Variants in C12orf42 observed in about 807,000 individuals in gnomAD.
C12orf42 encodes the protein chromosome 12 open reading frame 42.
A neutral mutation model predicts 21.6 loss-of-function variants in C12orf42; 25 were observed. The ratio of observed to expected loss-of-function variants is 1.16; its 90% confidence interval spans 0.84 to 1.62. The LOEUF is 1.62. C12orf42 is among the 40% of genes most tolerant of loss of function. C12orf42 has a pLI of 0.00. For synonymous variants in C12orf42, 174 were observed against 175.0 expected (o/e 0.99, Z 0.05); for missense variants, 483 against 459.3 (o/e 1.05, Z -0.47).
At chr12:103,340,932 T>A (rs957971230) in intron 4 of C12orf42, among the ~76,000 whole-genome samples, 10 of 151,914 alleles carry the variant, frequency 6.6e-5, no homozygotes, top group Non-Finnish European at 1.5e-5. Context: ...ACTAACATGG[T>A]GAAACCCAGT....
chr12:103,354,825 T>C (rs2137542490), intron 4 of C12orf42, among the ~76,000 whole-genome samples: 1 of 152,188 alleles, frequency 6.6e-6, no homozygotes, highest in Middle Eastern at 3.4e-3. Context: ...CTCAAAGTGC[T>C]GGGATTTCAG....
intron 2 of C12orf42, among the ~76,000 whole-genome samples, chr12:103,429,906 C>T (rs190076683): frequency 2.6e-4 from 39 of 151,954 alleles, no homozygotes; most frequent in Non-Finnish European, 4.9e-4. Context: ...TTGGGAAAAC[C>T]AGCTAGCCAT....
chr12:103,271,598 G>T (rs1383998487), intron 5 of C12orf42, among the ~76,000 whole-genome samples: 1 of 152,100 alleles, frequency 6.6e-6, no homozygotes, highest in Admixed American at 6.6e-5. Context: ...GAGTAAATGA[G>T]ACAGAGTAGG....
chr12:103,227,950 C>T, the C12orf42 span, among the ~76,000 whole-genome samples: 1 of 152,146 alleles, frequency 6.6e-6, no homozygotes, highest in African/African-American at 2.4e-5. Flanking sequence ...TAAGAAGAGG[C>T]CACTTGCCTG....
intron 3 of C12orf42, among the ~76,000 whole-genome samples, chr12:103,382,481 CA>C (rs1234555438): frequency 1.3e-5 from 2 of 152,180 alleles, no homozygotes; most frequent in African/African-American, 4.8e-5. Context: ...TTTCCTGCCC[CA>C]AAACCCCTGG....
chr12:103,133,174 C>T, the C12orf42 span, among the ~76,000 whole-genome samples: 38 of 152,246 alleles, frequency 2.5e-4, no homozygotes, highest in East Asian at 4.2e-3. Flanking sequence ...ACCACCACAG[C>T]GGGCTCCCAT....
intron 2 of C12orf42, among the ~76,000 whole-genome samples, chr12:103,408,017 C>G (rs1052647795): frequency 1.2e-4 from 18 of 152,208 alleles, no homozygotes; most frequent in South Asian, 6.3e-4. Flanking sequence ...ACAATGGCAC[C>G]CCCCTCTTTG....
At chr12:103,472,718 G>C (rs185995855) in intron 2 of C12orf42, among the ~76,000 whole-genome samples, 2 of 152,320 alleles carry the variant, frequency 1.3e-5, no homozygotes, top group Admixed American at 1.3e-4. Context: ...CACTGGAGAT[G>C]GAAAGGCCAT....
chr12:103,253,274 G>A (rs1593215291), intron 10 of C12orf42, among the ~76,000 whole-genome samples: 1 of 152,116 alleles, frequency 6.6e-6, no homozygotes, highest in East Asian at 1.9e-4. Flanking sequence ...GCTTAGGATT[G>A]TCCTGGTTAT....
chr12:103,135,808 G>A, the C12orf42 span, among the ~76,000 whole-genome samples: 3 of 152,088 alleles, frequency 2.0e-5, no homozygotes, highest in South Asian at 2.1e-4. Flanking sequence ...GACAAAGAAC[G>A]TATGGTTATT....
the C12orf42 span, among the ~76,000 whole-genome samples, chr12:103,223,366 T>A: frequency 1.2e-4 from 18 of 152,080 alleles, no homozygotes; most frequent in African/African-American, 3.9e-4. Context: ...GAATGATTGG[T>A]GATGGCCTGG....
intron 1 of C12orf42, among the ~76,000 whole-genome samples, chr12:103,488,856 T>C (rs1415933610): frequency 1.3e-5 from 2 of 152,320 alleles, no homozygotes; most frequent in Middle Eastern, 3.4e-3. Flanking sequence ...TCGTCTAACC[T>C]TTTTTTAAGG....
At chr12:103,414,645 TC>T in intron 2 of C12orf42, among the ~76,000 whole-genome samples, 1 of 152,314 alleles carries the variant, frequency 6.6e-6, no homozygotes, top group East Asian at 1.9e-4. Context: ...TATTTCATTT[TC>T]TTTGTGGCTA....
At chr12:103,065,883 C>A in the C12orf42 span, among the ~76,000 whole-genome samples, 1 of 152,302 alleles carries the variant, frequency 6.6e-6, no homozygotes, top group East Asian at 1.9e-4. Context: ...GCCTGAAAGG[C>A]TGCCAGTTTT....
chr12:103,235,612 A>G (rs1052319596), downstream of C12orf42, among the ~76,000 whole-genome samples: 2 of 152,174 alleles, frequency 1.3e-5, no homozygotes, highest in African/African-American at 4.8e-5. Flanking sequence ...TGTTACATGT[A>G]TGTAAGTAAC....
the C12orf42 span, among the ~76,000 whole-genome samples, chr12:103,203,403 G>T: frequency 2.0e-5 from 3 of 152,180 alleles, no homozygotes; most frequent in Non-Finnish European, 2.9e-5. Flanking sequence ...CCAGGCAAAG[G>T]TTGCTAGGAA....
the C12orf42 span, among the ~76,000 whole-genome samples, chr12:103,087,550 T>A: frequency 4.6e-5 from 7 of 152,246 alleles, no homozygotes; most frequent in Admixed American, 1.3e-4. Context: ...AATATCAAAG[T>A]AAGGCCAGTT....
intron 4 of C12orf42, among the ~76,000 whole-genome samples, chr12:103,288,231 C>T (rs577197813): frequency 6.6e-5 from 10 of 152,110 alleles, no homozygotes; most frequent in Non-Finnish European, 1.3e-4. Context: ...CACAGCACTC[C>T]GAACTCCTGG....
chr12:103,216,888 G>C, the C12orf42 span, among the ~76,000 whole-genome samples: 9 of 152,132 alleles, frequency 5.9e-5, no homozygotes, highest in African/African-American at 2.2e-4. Context: ...TGTGGCCCAG[G>C]CTGGAGTGCA....
Sources: allele counts gnomAD v4.1 joint callset (sites outside exome capture counted in the v4.1 genomes callset), GRCh38; gene constraint gnomAD v4.1.1; transcripts MANE v1.5; gene names NCBI Gene and HGNC (gene_info 2026-07-23, HGNC 2026-07-21).